The following DLGAP2 variants were observed in gnomAD, a reference collection of about 807,000 sequenced individuals.
DLGAP2 encodes DLG associated protein 2, also known as disks large-associated protein 2.
A neutral mutation model predicts 100.3 loss-of-function variants in DLGAP2; 26 were observed. The observed-to-expected ratio is 0.26, with a 90% CI of 0.19 to 0.36. The LOEUF is 0.36. Among genes scored for constraint, DLGAP2 ranks in the 10% least tolerant of loss-of-function variants. DLGAP2 has a pLI of 1.00. For missense variants in DLGAP2, 1,858 were observed against 1,453.2 expected, an observed-to-expected ratio of 1.28 and a Z score of -4.53; for synonymous variants, 886 against 630.1, an observed-to-expected ratio of 1.41 and a Z score of -6.08.
chr8:989,880 A>C (rs1467300877), intron 2 of DLGAP2, among the ~76,000 whole-genome samples: 2 of 152,136 alleles, frequency 1.3e-5, no homozygotes, highest in East Asian at 3.8e-4. Context: ...TTAAAAAATT[A>C]TATGATTTTT....
At chr8:1,105,658 T>A (rs1804733896) in intron 2 of DLGAP2, among the ~76,000 whole-genome samples, 1 of 147,934 alleles carries the variant, frequency 6.8e-6, no homozygotes, top group South Asian at 2.2e-4. Flanking sequence ...TCTAGGAGGG[T>A]TTTCTACTGA....
intron 12 of DLGAP2, among the ~76,000 whole-genome samples, chr8:1,683,964 A>ATGTGTGTG (rs1386036826): frequency 7.4e-5 from 8 of 108,620 alleles, no homozygotes; most frequent in Non-Finnish European, 1.1e-4. Flanking sequence ...GTATATATAT[A>ATGTGTGTG]TATATATATA....
chr8:1,422,354 C>G (rs1160653250), intron 3 of DLGAP2, among the ~76,000 whole-genome samples: 1 of 152,130 alleles, frequency 6.6e-6, no homozygotes, highest in Non-Finnish European at 1.5e-5. Flanking sequence ...AAATTTCCGT[C>G]CACTGCAAGC....
At chr8:1,202,003 G>A (rs1484976923) in intron 2 of DLGAP2, among the ~76,000 whole-genome samples, 2 of 151,720 alleles carry the variant, frequency 1.3e-5, no homozygotes, top group Admixed American at 6.6e-5. Flanking sequence ...TGGTGTGTGT[G>A]TATACACATG....
intron 1 of DLGAP2, among the ~76,000 whole-genome samples, chr8:864,164 G>C (rs1312653836): frequency 6.6e-6 from 1 of 152,170 alleles, no homozygotes; most frequent in Non-Finnish European, 1.5e-5. Context: ...GCAGAGCGTA[G>C]AGTGATGGTT....
chr8:836,462 C>T (rs1189876741), intron 1 of DLGAP2, among the ~76,000 whole-genome samples: 4 of 152,160 alleles, frequency 2.6e-5, no homozygotes, highest in Admixed American at 6.5e-5. Flanking sequence ...GGGATGGGGT[C>T]CGAGGGCTCC....
intron 3 of DLGAP2, among the ~76,000 whole-genome samples, chr8:1,451,799 C>T (rs982160378): frequency 3.9e-5 from 6 of 152,206 alleles, no homozygotes; most frequent in South Asian, 2.1e-4. Context: ...ATTCTCCCAA[C>T]GTCCGGATAT....
At position 1,701,595 on chromosome 8, in the gene DLGAP2, C is replaced by T. The variant is rs565452071; in HGVS notation, c.*189C>T. The T allele has an allele frequency of 6.8e-5, 43 of 637,008 alleles. No homozygotes were observed. The East Asian group carries it at 1.2e-3, about 17-fold the overall frequency. The allele number at this position is 637,008 out of a possible 1,614,324, so 39.5% of individuals were successfully genotyped here. On this transcript the variant is annotated 3_prime_UTR_variant, in exon 15 of 15. Coordinates refer to ENST00000637795, the MANE Select transcript of DLGAP2 (RefSeq NM_001346810.2). ...TCCACGGAGCTCGCGGCGAGGACGA[C>T]TTCTGCTTTTGTTGTTGTTGTTGTT...
At chr8:847,588 G>A (rs1288776370) in intron 1 of DLGAP2, among the ~76,000 whole-genome samples, 2 of 151,930 alleles carry the variant, frequency 1.3e-5, no homozygotes, top group Non-Finnish European at 2.9e-5. Flanking sequence ...GCTCACTGCA[G>A]CCCTGCCTCC....
chr8:1,661,681 C>A (rs945631044), intron 8 of DLGAP2, among the ~76,000 whole-genome samples: 4 of 152,162 alleles, frequency 2.6e-5, no homozygotes, highest in African/African-American at 9.7e-5. Context: ...TGTCTAGATG[C>A]AGTGATCTGG....
At chr8:1,649,531 A>G (rs1421320686) in intron 8 of DLGAP2, among the ~76,000 whole-genome samples, 2 of 152,240 alleles carry the variant, frequency 1.3e-5, no homozygotes, top group African/African-American at 4.8e-5. Flanking sequence ...GCAGAGTGCT[A>G]GAAATTTAAC....
At chr8:1,444,331 A>G (rs759197510) in intron 3 of DLGAP2, among the ~76,000 whole-genome samples, 17 of 152,236 alleles carry the variant, frequency 1.1e-4, no homozygotes, top group Non-Finnish European at 2.2e-4. Flanking sequence ...ACACGGTATT[A>G]GAGTTTTTAA....
At chr8:806,196 T>C (rs1187661383) in intron 1 of DLGAP2, among the ~76,000 whole-genome samples, 1 of 152,216 alleles carries the variant, frequency 6.6e-6, no homozygotes, top group African/African-American at 2.4e-5. Flanking sequence ...AAGTGACAGA[T>C]ACTCAGCTCA....
At chr8:973,511 C>G (rs113247219) in intron 2 of DLGAP2, among the ~76,000 whole-genome samples, 6 of 150,652 alleles carry the variant, frequency 4.0e-5, no homozygotes, top group African/African-American at 1.5e-4. Flanking sequence ...ACATCTCAGA[C>G]GATGGGCGGC....
intron 1 of DLGAP2, chr8:753,876 C>G (rs1820853728): frequency 6.6e-6 from 1 of 152,236 alleles, no homozygotes; most frequent in Non-Finnish European, 1.5e-5. Flanking sequence ...CGGCCGTTTC[C>G]TGTCCGGGCG....
At position 1,707,817 on chromosome 8, in the gene DLGAP2, T is replaced by G. The variant is rs773634962; in HGVS notation, c.*6411T>G. ...AATATAAATATGAAATCATATCGAG[T>G]GTGAGGATGAGCAGAGTGCCAAATA... On this transcript the variant is annotated 3_prime_UTR_variant, in exon 15 of 15. Transcript: ENST00000637795. The G allele has an allele frequency of 1.3e-5, 2 of 152,528 alleles. No homozygotes were observed. The highest frequency in any genetic ancestry group is 2.9e-5 in the Non-Finnish European group (2 of 68,024). 9.4% of individuals were successfully genotyped at this position (152,528 alleles called of 1,614,324 possible). A position where few individuals can be genotyped will look rare whatever the true frequency, so the allele number is the denominator to read the frequency against.
intron 2 of DLGAP2, among the ~76,000 whole-genome samples, chr8:1,223,690 T>G (rs950938711): frequency 2.6e-5 from 4 of 152,208 alleles, no homozygotes; most frequent in African/African-American, 4.8e-5. Flanking sequence ...AAGACTTGTC[T>G]GCCACTGTGG....
At chr8:823,906 C>G (rs1318934799) in intron 1 of DLGAP2, among the ~76,000 whole-genome samples, 1 of 152,160 alleles carries the variant, frequency 6.6e-6, no homozygotes, top group African/African-American at 2.4e-5. Context: ...TGGCAGCGCC[C>G]GTGACACACA....
intron 2 of DLGAP2, among the ~76,000 whole-genome samples, chr8:975,868 G>A (rs1233460759): frequency 6.6e-6 from 1 of 152,092 alleles, no homozygotes; most frequent in South Asian, 2.1e-4. Flanking sequence ...AATGAGACAG[G>A]AAAAGGAAAT....
Sources: allele counts gnomAD v4.1 joint callset (sites outside exome capture counted in the v4.1 genomes callset), GRCh38; gene constraint gnomAD v4.1.1; transcripts MANE v1.5; gene names NCBI Gene and HGNC (gene_info 2026-07-23, HGNC 2026-07-21).